Variants in RHOA observed in about 807,000 individuals in gnomAD.
The protein encoded by RHOA is transforming protein RhoA.
RHOA carries 3 observed loss-of-function variants against 17.5 expected under a neutral mutation model. The observed-to-expected ratio is 0.17, with a 90% confidence interval of 0.08 to 0.44. RHOA has a LOEUF of 0.44. RHOA is among the 20% of genes least tolerant of loss of function. The probability of loss-of-function intolerance (pLI) is 0.99; values close to 1 mark genes in which losing one functional copy is unlikely to be tolerated. For missense variants in RHOA, 56 were observed against 242.3 expected, an observed-to-expected ratio of 0.23 and a Z score of 5.10; for synonymous variants, 98 against 88.4, an observed-to-expected ratio of 1.11 and a Z score of -0.61.
chr3:49,383,718 G>A (rs921923647), intron 1 of RHOA, among the ~76,000 whole-genome samples: 3 of 152,034 alleles, frequency 2.0e-5, no homozygotes, highest in Non-Finnish European at 2.9e-5. Flanking sequence ...TGCTTATAGG[G>A]AGGGAATTCA....
chr3:49,400,000 C>A (rs2048694979), intron 1 of RHOA, among the ~76,000 whole-genome samples: 1 of 151,868 alleles, frequency 6.6e-6, no homozygotes, highest in South Asian at 2.1e-4. Flanking sequence ...GTGGGCGAAT[C>A]AGGAGTTCGA....
intron 3 of RHOA, among the ~76,000 whole-genome samples, 169 bp downstream of exon 3, chr3:49,368,259 A>G (rs2048091050): frequency 6.6e-6 from 1 of 152,104 alleles, no homozygotes; most frequent in African/African-American, 2.4e-5. Flanking sequence ...ACCTAGGCTG[A>G]AAGGGACCCA....
intron 1 of RHOA, among the ~76,000 whole-genome samples, chr3:49,394,599 C>A (rs1191254329): frequency 6.6e-6 from 1 of 152,080 alleles, no homozygotes; most frequent in African/African-American, 2.4e-5. Context: ...GATCTACCTG[C>A]CTCGGCCTCC....
chr3:49,372,129 A>T (rs559881706), intron 2 of RHOA, among the ~76,000 whole-genome samples: 1 of 152,304 alleles, frequency 6.6e-6, no homozygotes, highest in East Asian at 1.9e-4. Flanking sequence ...AAGTTAGGTA[A>T]GAGGGCTATA....
intron 1 of RHOA, among the ~76,000 whole-genome samples, chr3:49,381,880 CAG>C (rs1353375693): frequency 6.7e-5 from 10 of 148,772 alleles, no homozygotes; most frequent in African/African-American, 1.5e-4. Context: ...AAAAAAAAGA[CAG>C]AGAGTGAAGT....
At chr3:49,407,143 C>CAAGAG (rs770353470) in intron 1 of RHOA, among the ~76,000 whole-genome samples, 5 of 149,974 alleles carry the variant, frequency 3.3e-5, no homozygotes, top group Non-Finnish European at 7.4e-5. Flanking sequence ...GACCCTGTCT[C>CAAGAG]AAGAGAAGAG....
intron 1 of RHOA, among the ~76,000 whole-genome samples, chr3:49,397,899 A>G (rs906882327): frequency 2.0e-5 from 3 of 152,212 alleles, no homozygotes; most frequent in African/African-American, 4.8e-5. Flanking sequence ...ACATGGTGCT[A>G]TATTATCCTA....
intron 1 of RHOA, among the ~76,000 whole-genome samples, chr3:49,377,331 GC>G (rs2048244522): frequency 6.6e-6 from 1 of 152,074 alleles, no homozygotes; most frequent in African/African-American, 2.4e-5. Context: ...AGTGGCTCAC[GC>G]CTATAATCCC....
In RHOA at chr3:49,391,215, C is replaced by CA. The variant is rs1369392165; in HGVS notation, c.-2-15625dup. On this transcript the variant is annotated intron_variant, in intron 1 of 4. Transcript: ENST00000418115. Reference sequence around the variant, plus strand: ...TCTGGGTGACAGAGCAACGCCGTCTCAAAAAAAAAAAAAAAGAAATACAAA... The same window carrying CA: ...TCTGGGTGACAGAGCAACGCCGTCTCAAAAAAAAAAAAAAAAGAAATACAAA... Among the ~76,000 whole-genome samples, 485 of 77,788 alleles carry CA rather than the reference C, an allele frequency of 6.2e-3. 2 individuals carry two copies. The highest frequency in any genetic ancestry group is 0.015 in the African/African-American group (360 of 23,728). 51.0% of individuals were successfully genotyped at this position (77,788 alleles called of 152,430 possible). A position where few individuals can be genotyped will look rare whatever the true frequency, so the allele number is the denominator to read the frequency against.
chr3:49,379,128 T>C (rs1410505650), intron 1 of RHOA, among the ~76,000 whole-genome samples: 1 of 151,994 alleles, frequency 6.6e-6, no homozygotes, highest in South Asian at 2.1e-4. Flanking sequence ...TGTCAAAAAA[T>C]GTAAAGAACC....
rs2048872156 is a variant in RHOA, at chr3:49,408,261, CGTATACACGTAT to C, written c.-3+3547_-3+3558del. On this transcript the variant is annotated intron_variant, in intron 1 of 4. Coordinates refer to ENST00000418115, the MANE Select transcript of RHOA (RefSeq NM_001664.4). Reference sequence around the variant, plus strand: ...ACACGTATATGTACACATATATATACGTATACACGTATATACGTATACACAAGTATATATACA... The same window carrying C: ...ACACGTATATGTACACATATATATACATACGTATACACAAGTATATATACA... Among the ~76,000 whole-genome samples, 5 of 52,570 alleles carry C rather than the reference CGTATACACGTAT, an allele frequency of 9.5e-5. No homozygotes were observed. The South Asian group carries it at 9.0e-3, about 95-fold the overall frequency. The allele number at this position is 52,570 out of a possible 152,430, so 34.5% of individuals were successfully genotyped here.
At chr3:49,401,831 A>G (rs2048728811) in intron 1 of RHOA, among the ~76,000 whole-genome samples, 1 of 152,198 alleles carries the variant, frequency 6.6e-6, no homozygotes, top group Admixed American at 6.6e-5. Context: ...AAAGTCTGAA[A>G]GGCACCACTA....
At chr3:49,360,566 CA>C (rs991007110) in intron 4 of RHOA, among the ~76,000 whole-genome samples, 184 bp from the exon 5 acceptor site, 1 of 151,996 alleles carries the variant, frequency 6.6e-6, no homozygotes, top group African/African-American at 2.4e-5. Context: ...CTCCTGGGTT[CA>C]AGGGATTCTC....
intron 1 of RHOA, among the ~76,000 whole-genome samples, chr3:49,407,615 C>T (rs773929133): frequency 9.9e-5 from 15 of 152,074 alleles, no homozygotes; most frequent in Non-Finnish European, 1.8e-4. Context: ...CTCCTACTCA[C>T]AGTGATTCTA....
intron 2 of RHOA, among the ~76,000 whole-genome samples, chr3:49,371,281 G>C (rs1332849919): frequency 7.2e-6 from 1 of 138,722 alleles, no homozygotes; most frequent in Non-Finnish European, 1.6e-5. Flanking sequence ...ATTGCCTACT[G>C]TTTTTTTTTT....
intron 1 of RHOA, among the ~76,000 whole-genome samples, chr3:49,408,944 C>T (rs956587377): frequency 6.6e-6 from 1 of 152,030 alleles, no homozygotes; most frequent in African/African-American, 2.4e-5. Flanking sequence ...AGGCGCCCGC[C>T]ACCACACCCA....
intron 1 of RHOA, among the ~76,000 whole-genome samples, chr3:49,387,618 A>AC (rs2048422103): frequency 6.6e-6 from 1 of 151,410 alleles, no homozygotes; most frequent in South Asian, 2.1e-4. Context: ...GGTGGCGGGC[A>AC]CCTGTAGTTC....
intron 1 of RHOA, among the ~76,000 whole-genome samples, chr3:49,397,661 C>A (rs894411191): frequency 6.6e-6 from 1 of 151,948 alleles, no homozygotes; most frequent in African/African-American, 2.4e-5. Context: ...TAAGATCTGA[C>A]CAACAGACTG....
intron 1 of RHOA, among the ~76,000 whole-genome samples, chr3:49,388,919 G>C (rs1353311189): frequency 6.6e-6 from 1 of 152,172 alleles, no homozygotes; most frequent in African/African-American, 2.4e-5. Context: ...GTACAGTACT[G>C]TACTGAAACA....
Sources: gnomAD v4.1 joint callset for allele counts (sites outside exome capture counted in the v4.1 genomes callset) on GRCh38, gnomAD v4.1.1 for gene constraint, MANE v1.5 for transcripts, NCBI Gene and HGNC (gene_info 2026-07-23, HGNC 2026-07-21) for gene names.